The following VWA8 variants were observed in gnomAD, a reference collection of about 807,000 sequenced individuals.
VWA8 encodes von Willebrand factor A domain-containing protein 8.
VWA8 carries 221 observed loss-of-function variants against 241.5 expected under a neutral mutation model. That is an observed-to-expected ratio of 0.91 (90% CI 0.82 to 1.02). The LOEUF (loss-of-function observed/expected upper bound fraction) is 1.02, where lower values mean the gene tolerates loss of function less well. Ranked by LOEUF, VWA8 falls within the 50% of genes least tolerant of loss-of-function variation. VWA8 has a pLI of 0.00. For missense variants in VWA8, 2,322 were observed against 2,328.7 expected, an observed-to-expected ratio of 1.00 and a Z score of 0.06; for synonymous variants, 852 against 827.1, an observed-to-expected ratio of 1.03 and a Z score of -0.52.
intron 21 of VWA8, among the ~76,000 whole-genome samples, chr13:41,751,051 A>G (rs1184638741): frequency 6.6e-6 from 1 of 152,134 alleles, no homozygotes; most frequent in Non-Finnish European, 1.5e-5. Context: ...TTGATCTCAT[A>G]GAGCTGTAGT....
intron 9 of VWA8, among the ~76,000 whole-genome samples, chr13:41,880,354 T>C (rs1874110375): frequency 6.6e-6 from 1 of 152,130 alleles, no homozygotes; most frequent in Non-Finnish European, 1.5e-5. Context: ...GCTGCAGATA[T>C]GATGCCCCTA....
In VWA8 at chr13:41,882,392, C is replaced by T. The variant is rs556667761; in HGVS notation, c.1080+995G>A. Reference sequence around the variant, plus strand: ...CCAGGCAGAGACGCTCCTCACTTCCCAGACGGGGTGGCGGCCAGGCAGAGG... The same window carrying T: ...CCAGGCAGAGACGCTCCTCACTTCCTAGACGGGGTGGCGGCCAGGCAGAGG... On this transcript the variant is annotated intron_variant, in intron 9 of 44. Coordinates refer to ENST00000379310, the MANE Select transcript of VWA8 (RefSeq NM_015058.2). Among the ~76,000 whole-genome samples the T allele has an allele frequency of 4.1e-3, 621 of 152,164 alleles. 3 individuals carry two copies. The highest frequency in any genetic ancestry group is 7.1e-3 in the Non-Finnish European group (484 of 67,948).
chr13:41,863,456 C>T (rs866094715), intron 12 of VWA8, among the ~76,000 whole-genome samples: 202 of 46,604 alleles, frequency 4.3e-3, no homozygotes, highest in Non-Finnish European at 7.6e-3. Flanking sequence ...TATATATATT[C>T]ACACACACAC....
chr13:41,949,014 A>G (rs1877991340), intron 2 of VWA8, among the ~76,000 whole-genome samples: 1 of 149,758 alleles, frequency 6.7e-6, no homozygotes, highest in Non-Finnish European at 1.5e-5. Flanking sequence ...AGAACAAGCA[A>G]AACTAATCTA....
chr13:41,729,591 TAG>T lies in VWA8; in HGVS notation c.2587_2588del (p.Leu863SerfsTer20). The T allele has an allele frequency of 6.2e-7, 1 of 1,613,290 alleles. No homozygotes were observed. The highest frequency in any genetic ancestry group is 8.5e-7 in the Non-Finnish European group (1 of 1,179,548). ...PTNVTCILKT[L>X]VENGEMILAD... ...CTAGAATCATTTCTCCATTTTCTAC[TAG>T]AGTTTTTAAAATACACGTGACATTT... On this transcript the variant is annotated frameshift_variant, in exon 23 of 45. Transcript: ENST00000379310. LOFTEE classifies it high-confidence loss of function.
At position 41,568,156 on chromosome 13, in the gene VWA8, A is replaced by G. The variant is rs748245645; in HGVS notation, c.*41T>C. The G allele has an allele frequency of 5.9e-6, 9 of 1,513,958 alleles. No individual in the cohort carries two copies. Among genetic ancestry groups the G allele is most frequent in the Non-Finnish European group, 8.3e-6 (9 of 1,090,830 alleles). The allele number at this position is 1,513,958 out of a possible 1,614,324, so 93.8% of individuals were successfully genotyped here. A position where few individuals can be genotyped will look rare whatever the true frequency, so the allele number is the denominator to read the frequency against. On this transcript the variant is annotated 3_prime_UTR_variant, in exon 45 of 45. Coordinates refer to ENST00000379310, the MANE Select transcript of VWA8 (RefSeq NM_015058.2). ...TCAGAATACTCTTTATTCCTGTCTT[A>G]TTTCAAATCCTGGTGTCATCAGGGT... is the stretch of plus-strand genomic sequence containing the variant.
intron 37 of VWA8, among the ~76,000 whole-genome samples, chr13:41,668,706 G>T (rs2045002833): frequency 6.6e-6 from 1 of 152,112 alleles, no homozygotes; most frequent in South Asian, 2.1e-4. Flanking sequence ...CAGGGAAGAA[G>T]AGAGATATGA....
At position 41,819,113 on chromosome 13, in the gene VWA8, G is replaced by A. The variant is rs1593793007; in HGVS notation, c.1869+105C>T. 5.8e-6 allele frequency: 7 copies of A among 1,211,190 alleles called. No homozygotes were observed. The East Asian group carries it at 1.8e-4, about 32-fold the overall frequency. 75.0% of individuals were successfully genotyped at this position (1,211,190 alleles called of 1,614,324 possible). The stretch of plus-strand genomic sequence containing the variant: ...TATGAAGAAATTTGGGAGTAAATGG[G>A]AAGAAAAAACTAAAAATGTCTAACT... On this transcript the variant is annotated intron_variant, in intron 15 of 44. Coordinates refer to ENST00000379310, the MANE Select transcript of VWA8 (RefSeq NM_015058.2).
intron 37 of VWA8, among the ~76,000 whole-genome samples, chr13:41,617,194 C>A (rs1276964981): frequency 6.6e-6 from 1 of 152,040 alleles, no homozygotes; most frequent in Non-Finnish European, 1.5e-5. Flanking sequence ...TCTTGGCTCA[C>A]CGCAACCTCC....
chr13:41,832,840 T>C (rs1457796640), intron 13 of VWA8, among the ~76,000 whole-genome samples: 1 of 152,146 alleles, frequency 6.6e-6, no homozygotes, highest in Non-Finnish European at 1.5e-5. Flanking sequence ...ACAATAGTTA[T>C]AGAAATGTTC....
At chr13:41,731,954 A>ACC in intron 22 of VWA8, 126 bp downstream of exon 22, 1 of 725,798 alleles carries the variant, frequency 1.4e-6, no homozygotes. Context: ...CGTCTCAGGT[A>ACC]TGTCTTTATA....
Position 41,919,609 on chromosome 13 carries a change from G to A in VWA8, c.242-7441C>T, listed in dbSNP as rs184798500. The stretch of plus-strand genomic sequence containing the variant: ...GAATTTAGCTACTGCTATGCTCCAA[G>A]TTACCCTGAAGCTGCTCCATCCCCT... On this transcript the variant is annotated intron_variant, in intron 2 of 44. Transcript: ENST00000379310. Among the ~76,000 whole-genome samples the A allele has an allele frequency of 7.2e-5, 11 of 152,178 alleles. No homozygotes were observed. The East Asian group carries it at 2.1e-3, about 30-fold the overall frequency.
chr13:41,811,339 G>A lies in VWA8; in HGVS notation c.1949C>T (p.Ala650Val), dbSNP rs1238985422. The A allele has an allele frequency of 1.9e-6, 3 of 1,606,732 alleles. No homozygotes were observed. The highest frequency in any genetic ancestry group is 2.6e-6 in the Non-Finnish European group (3 of 1,174,502). Residue 650 changes from alanine (A) to valine (V), a missense_variant and splice_region_variant, in exon 17 of 45, where the codon GCA (alanine) becomes GTA (valine). Ala to Val is a moderately conservative substitution (Grantham distance 64). Transcript: ENST00000379310. Reference sequence around the variant, plus strand: ...AGAAAGTGATGCCGCTAATGATTGTGCCTATCAAAAGACAAATACATTGTG... The same window carrying A: ...AGAAAGTGATGCCGCTAATGATTGTACCTATCAAAAGACAAATACATTGTG... ...HKLRETQDPTAQSLAASLSTR... is the reference protein window; with the variant it reads ...HKLRETQDPTVQSLAASLSTR...
intron 36 of VWA8, among the ~76,000 whole-genome samples, chr13:41,672,150 A>G (rs1367253253): frequency 6.6e-6 from 1 of 151,990 alleles, no homozygotes; most frequent in Non-Finnish European, 1.5e-5. Flanking sequence ...GCTGAAACCA[A>G]TTTCTTGTTT....
intron 17 of VWA8, among the ~76,000 whole-genome samples, chr13:41,796,953 T>G (rs1869731846): frequency 6.6e-6 from 1 of 152,210 alleles, no homozygotes; most frequent in Non-Finnish European, 1.5e-5. Flanking sequence ...GTTATTGCTA[T>G]GAATTCTGTT....
chr13:41,848,585 T>C (rs903314668), intron 12 of VWA8, among the ~76,000 whole-genome samples: 2 of 152,216 alleles, frequency 1.3e-5, no homozygotes, highest in African/African-American at 4.8e-5. Flanking sequence ...CTGCTTGCAC[T>C]CAACTCCCTC....
rs1874362894 is a variant in VWA8 at position 41,883,450 on chromosome 13, C to T, written c.1017G>A (p.Trp339Ter). 1 of 1,613,516 alleles carries T rather than the reference C, an allele frequency of 6.2e-7. No individual in the cohort carries two copies. The highest frequency in any genetic ancestry group is 8.5e-7 in the Non-Finnish European group (1 of 1,179,768). The change falls in exon 9 of 45, where the codon TGG becomes TGA. Residue 339 changes from tryptophan (W) to a stop codon, truncating the protein, a stop_gained. Coordinates refer to ENST00000379310, the MANE Select transcript of VWA8 (RefSeq NM_015058.2). LOFTEE classifies it high-confidence loss of function. ...CTAGTAAAATACTATATGGATAAAGCCACTGGATTGCATGTTTGATTGGCA... is the reference window on the plus strand; with the variant it reads ...CTAGTAAAATACTATATGGATAAAGTCACTGGATTGCATGTTTGATTGGCA... Reference protein sequence around the residue: ...PMMPIKHAIQWLYPYSILLGH... With the variant: ...PMMPIKHAIQ
intron 22 of VWA8, among the ~76,000 whole-genome samples, chr13:41,731,427 T>C (rs908976655): frequency 6.6e-6 from 1 of 152,070 alleles, no homozygotes; most frequent in Non-Finnish European, 1.5e-5. Flanking sequence ...ACTCTATACA[T>C]TTGAAAATGA....
At chr13:41,817,002 C>T (rs571099818) in intron 15 of VWA8, among the ~76,000 whole-genome samples, 1 of 152,288 alleles carries the variant, frequency 6.6e-6, no homozygotes, top group East Asian at 1.9e-4. Context: ...TAAACCAAGA[C>T]ACTCTTCTCC....
Sources: gnomAD v4.1 joint callset for allele counts (sites outside exome capture counted in the v4.1 genomes callset) on GRCh38, gnomAD v4.1.1 for gene constraint, MANE v1.5 for transcripts, NCBI Gene and HGNC (gene_info 2026-07-23, HGNC 2026-07-21) for gene names.